The following HFM1 variants were observed in gnomAD, a reference collection of about 807,000 sequenced individuals.
HFM1 encodes helicase for meiosis 1, also known as probable ATP-dependent DNA helicase HFM1.
In HFM1, 169 loss-of-function variants were observed where a neutral mutation model predicts 192.1. The ratio of observed to expected loss-of-function variants is 0.88; its 90% CI spans 0.78 to 1.00. The LOEUF is 1.00. Among genes scored for constraint, HFM1 ranks in the 50% least tolerant of loss-of-function variants. The pLI is 0.00. For synonymous variants in HFM1, 525 were observed against 537.8 expected (o/e 0.98, Z 0.33); for missense variants, 1,661 against 1,668.0 (o/e 1.00, Z 0.07).
At chr1:91,278,156 CA>C (rs1667123054) in intron 30 of HFM1, among the ~76,000 whole-genome samples, 1 of 151,034 alleles carries the variant, frequency 6.6e-6, no homozygotes, top group Non-Finnish European at 1.5e-5. Flanking sequence ...AGTTAGTAAA[CA>C]AGATGTAATA....
At chr1:91,287,856 C>T (rs1395424596) in intron 30 of HFM1, among the ~76,000 whole-genome samples, 8 of 151,790 alleles carry the variant, frequency 5.3e-5, no homozygotes, top group East Asian at 1.9e-4. Flanking sequence ...TCGAGAACTA[C>T]GTGAAGAATG....
intron 20 of HFM1, chr1:91,329,206 A>G (rs1000645427): frequency 1.9e-6 from 3 of 1,609,684 alleles, no homozygotes; most frequent in South Asian, 1.1e-5. Context: ...CGGCTCCACA[A>G]GGAGGCTTAC....
chr1:91,343,386 TAAGTA>T (rs1366732096), intron 20 of HFM1, 39 bp downstream of exon 20: 23 of 941,848 alleles, frequency 2.4e-5, no homozygotes, highest in Middle Eastern at 2.2e-4. Flanking sequence ...AATTTAGTCT[TAAGTA>T]AACAATTGCT....
At chr1:91,348,518 G>A (rs751703803) in intron 18 of HFM1, among the ~76,000 whole-genome samples, 6 of 152,056 alleles carry the variant, frequency 3.9e-5, no homozygotes, top group Non-Finnish European at 5.9e-5. Flanking sequence ...TTTTTTTGCT[G>A]CATTGTTCGT....
chr1:91,362,412 G>C (rs1336954863), intron 13 of HFM1, among the ~76,000 whole-genome samples: 1 of 152,128 alleles, frequency 6.6e-6, no homozygotes, highest in Non-Finnish European at 1.5e-5. Context: ...GGCAGTCAGA[G>C]AGCCAAACAG....
intron 13 of HFM1, among the ~76,000 whole-genome samples, chr1:91,362,916 A>G (rs1658709807): frequency 6.6e-6 from 1 of 152,226 alleles, no homozygotes; most frequent in South Asian, 2.1e-4. Flanking sequence ...GACAAAAGCA[A>G]GCAATGGGGA....
At chr1:91,404,342 C>A (rs1211471458) in intron 1 of HFM1, among the ~76,000 whole-genome samples, 2 of 152,224 alleles carry the variant, frequency 1.3e-5, no homozygotes, top group African/African-American at 2.4e-5. Context: ...AAGAACGGGG[C>A]GCTGGGGCGC....
chr1:91,304,633 AT>A (rs58215219), intron 30 of HFM1, among the ~76,000 whole-genome samples: 14,554 of 140,538 alleles, frequency 0.1, 726 homozygotes, highest in Middle Eastern at 0.16. Flanking sequence ...CAGCCGGCTA[AT>A]TTTTTTTTTT....
At chr1:91,386,343 T>G (rs773856383) in intron 4 of HFM1, among the ~76,000 whole-genome samples, 4 of 152,188 alleles carry the variant, frequency 2.6e-5, no homozygotes, top group African/African-American at 4.8e-5. Context: ...GCACTGACTT[T>G]TCAGTCAAGG....
chr1:91,369,155 C>T (rs1571138812), intron 13 of HFM1, among the ~76,000 whole-genome samples: 1 of 152,252 alleles, frequency 6.6e-6, no homozygotes, highest in Admixed American at 6.5e-5. Context: ...TAATGGGAGA[C>T]TTTCACACCC....
At chr1:91,349,275 G>C (rs557246264) in intron 18 of HFM1, among the ~76,000 whole-genome samples, 5 of 98,082 alleles carry the variant, frequency 5.1e-5, no homozygotes, top group Non-Finnish European at 1.0e-4. Context: ...GCAATCAAGA[G>C]AGGCTATCTC....
intron 13 of HFM1, among the ~76,000 whole-genome samples, chr1:91,371,903 C>A (rs539699367): frequency 6.6e-6 from 1 of 152,254 alleles, no homozygotes; most frequent in East Asian, 1.9e-4. Flanking sequence ...AAAAAACAAA[C>A]AACCCCAACA....
At position 91,401,068 on chromosome 1, in the gene HFM1, AT is replaced by A. The variant is rs746152712; in HGVS notation, c.14del (p.Asn5MetfsTer37). 6.4e-7 allele frequency: 1 copy of A among 1,553,056 alleles called. No homozygotes were observed. Among genetic ancestry groups the A allele is most frequent in the Non-Finnish European group, 8.7e-7 (1 of 1,153,662 alleles). On this transcript the variant is annotated frameshift_variant, in exon 2 of 39. Transcript: ENST00000370425. LOFTEE classifies it high-confidence loss of function. MLKS[N>X]DCLFSLENLF... The stretch of plus-strand genomic sequence containing the variant: ...AATTTTCCAAAGAAAACAGGCAATC[AT>A]TTGATTTCAGCATTGTTGAAAACTG...
At chr1:91,310,748 T>C (rs1650327502) in intron 30 of HFM1, among the ~76,000 whole-genome samples, 1 of 152,182 alleles carries the variant, frequency 6.6e-6, no homozygotes, top group African/African-American at 2.4e-5. Context: ...TTCTTCCTCA[T>C]TTTTCTCTTG....
At chr1:91,345,956 C>T (rs982645511) in intron 19 of HFM1, among the ~76,000 whole-genome samples, 1 of 152,122 alleles carries the variant, frequency 6.6e-6, no homozygotes, top group Admixed American at 6.5e-5. Flanking sequence ...TTAGAATTGC[C>T]AGAGAAATTC....
At chr1:91,360,199 C>G (rs1176628564) in intron 13 of HFM1, among the ~76,000 whole-genome samples, 1 of 152,146 alleles carries the variant, frequency 6.6e-6, no homozygotes, top group African/African-American at 2.4e-5. Flanking sequence ...CATAACAATA[C>G]CAATCTTAAA....
chr1:91,293,041 C>G (rs927537763), intron 30 of HFM1, among the ~76,000 whole-genome samples: 1 of 152,106 alleles, frequency 6.6e-6, no homozygotes. Context: ...ACACCTTATA[C>G]AAAAATTAAT....
At chr1:91,396,118 T>C (rs1351049961) in intron 3 of HFM1, among the ~76,000 whole-genome samples, 175 bp downstream of exon 3, 1 of 152,074 alleles carries the variant, frequency 6.6e-6, no homozygotes, top group East Asian at 1.9e-4. Context: ...CTTTAACTCC[T>C]GAGTATCTGA....
In HFM1 at chr1:91,379,111, C is replaced by T; in HGVS notation, c.1110G>A (p.Met370Ile). The T allele has an allele frequency of 1.9e-6, 3 of 1,600,526 alleles. No homozygotes were observed. Among genetic ancestry groups the T allele is most frequent in the Non-Finnish European group, 2.6e-6 (3 of 1,170,700 alleles). The change falls in exon 9 of 39, where the codon ATG becomes ATA. Residue 370 changes from methionine (M) to isoleucine (I), a missense_variant. Transcript: ENST00000370425. The part of the protein sequence containing the change: ...NCKELTGDTV[M>I]DDLFEIQHAH... ...CATGCTGAATCTCAAATAGATCATC[C>T]ATTACTGTATCTCCAGTAAGTTCTT...
Sources: gnomAD v4.1 joint callset for allele counts (sites outside exome capture counted in the v4.1 genomes callset) on GRCh38, gnomAD v4.1.1 for gene constraint, MANE v1.5 for transcripts, NCBI Gene and HGNC (gene_info 2026-07-23, HGNC 2026-07-21) for gene names.